Variants in ARMC1 observed in about 807,000 individuals in gnomAD.
The protein encoded by ARMC1 is armadillo repeat-containing protein 1.
ARMC1 carries 16 observed loss-of-function variants against 31.4 expected under a neutral mutation model. That is an observed-to-expected ratio of 0.51 (90% CI 0.34 to 0.77). ARMC1 has a LOEUF of 0.77. Ranked by LOEUF, ARMC1 falls within the 30% of genes least tolerant of loss-of-function variation. The probability of loss-of-function intolerance (pLI) is 0.01; values close to 1 mark genes in which losing one functional copy is unlikely to be tolerated. For missense variants in ARMC1, 259 were observed against 347.5 expected, an observed-to-expected ratio of 0.75 and a Z score of 2.02; for synonymous variants, 114 against 118.9, an observed-to-expected ratio of 0.96 and a Z score of 0.27.
chr8:65,618,893 A>G (rs553689160), intron 3 of ARMC1, among the ~76,000 whole-genome samples: 2 of 152,024 alleles, frequency 1.3e-5, no homozygotes, highest in African/African-American at 2.4e-5. Flanking sequence ...AATACAAAAA[A>G]TTAGCCGGGC....
At chr8:65,605,596 T>G (rs1807985666) in intron 4 of ARMC1, 58 bp from the exon 5 acceptor site, 10 of 1,248,878 alleles carry the variant, frequency 8.0e-6, no homozygotes, top group Non-Finnish European at 1.2e-5. Flanking sequence ...AATAAATCAG[T>G]GAAAACCAAG....
chr8:65,604,258 G>A lies in ARMC1; in HGVS notation c.*136C>T. Reference sequence around the variant, plus strand: ...TGGGGTAAAATGTCCAATAAAACGTGAAATGCAGCATATGCGATCGTGTAA... The same window carrying A: ...TGGGGTAAAATGTCCAATAAAACGTAAAATGCAGCATATGCGATCGTGTAA... On this transcript the variant is annotated 3_prime_UTR_variant, in exon 7 of 7. Transcript: ENST00000276569. 2 of 739,306 alleles carry A rather than the reference G, an allele frequency of 2.7e-6. No individual in the cohort carries two copies. Among genetic ancestry groups the A allele is most frequent in the Non-Finnish European group, 4.3e-6 (2 of 465,402 alleles). The allele number at this position is 739,306 out of a possible 1,614,324, so 45.8% of individuals were successfully genotyped here.
intron 2 of ARMC1, among the ~76,000 whole-genome samples, chr8:65,624,498 C>CAAAAAAAAAAAAGA (rs1808471170): frequency 1.0e-5 from 1 of 95,416 alleles, no homozygotes; most frequent in Non-Finnish European, 2.1e-5. Context: ...GACTCCATCT[C>CAAAAAAAAAAAAGA]AAAAAAAAAA....
chr8:65,628,055 A>G (rs777458503), intron 1 of ARMC1, among the ~76,000 whole-genome samples: 5 of 152,234 alleles, frequency 3.3e-5, no homozygotes, highest in Non-Finnish European at 7.3e-5. Context: ...ACTGCCTAAC[A>G]GAAAAGCAAA....
chr8:65,613,639 A>G (rs1023618020), intron 3 of ARMC1, among the ~76,000 whole-genome samples: 3 of 152,238 alleles, frequency 2.0e-5, no homozygotes, highest in Non-Finnish European at 2.9e-5. Flanking sequence ...CCCGTGGCTC[A>G]TTGAGATTCA....
In ARMC1 at chr8:65,622,274, A is replaced by G; in HGVS notation, c.264T>C (p.Asn88=). 1 of 1,612,544 alleles carries G rather than the reference A, an allele frequency of 6.2e-7. No individual in the cohort carries two copies. Among genetic ancestry groups the G allele is most frequent in the Non-Finnish European group, 8.5e-7 (1 of 1,178,618 alleles). Residue 88 remains asparagine (N), a synonymous_variant, in exon 3 of 7, where the codon AAT becomes AAC. Transcript: ENST00000276569. ...TCTATTGTACTTACTTCTGTATAACATTTTGTAAGCTCAACATCATACCCA... is the reference window on the plus strand; with the variant it reads ...TCTATTGTACTTACTTCTGTATAACGTTTTGTAAGCTCAACATCATACCCA... The part of the protein sequence containing the change: ...GELGMMLSLQ[N]VIQKTTTPGE...
At chr8:65,632,195 T>G (rs1808660219) in intron 1 of ARMC1, among the ~76,000 whole-genome samples, 1 of 152,032 alleles carries the variant, frequency 6.6e-6, no homozygotes, top group Non-Finnish European at 1.5e-5. Flanking sequence ...TCCAAGCACT[T>G]TGGGAGGCCC....
chr8:65,604,535 CTCTGTGT>C lies in ARMC1; in HGVS notation c.701_707del (p.Asn234SerfsTer69). On this transcript the variant is annotated frameshift_variant, in exon 7 of 7. Coordinates refer to ENST00000276569, the MANE Select transcript of ARMC1 (RefSeq NM_018120.6). LOFTEE classifies it high-confidence loss of function. ...CATCCTCAGGCAGGTAGTCAGGTAGCTCTGTGTTCTGTTCAACTTCCACAGGAGTATC... is the reference window on the plus strand; with the variant it reads ...CATCCTCAGGCAGGTAGTCAGGTAGCTCTGTTCAACTTCCACAGGAGTATC... 6.2e-7 allele frequency: 1 copy of C among 1,614,088 alleles called. No homozygotes were observed. Among genetic ancestry groups the C allele is most frequent in the Non-Finnish European group, 8.5e-7 (1 of 1,180,034 alleles).
chr8:65,619,297 G>A (rs1387798858), intron 3 of ARMC1, among the ~76,000 whole-genome samples: 1 of 152,138 alleles, frequency 6.6e-6, no homozygotes, highest in African/African-American at 2.4e-5. Flanking sequence ...CACTTATAGA[G>A]AGGCCGAGTG....
intron 3 of ARMC1, among the ~76,000 whole-genome samples, chr8:65,619,664 T>G (rs968857846): frequency 6.6e-6 from 1 of 151,658 alleles, no homozygotes; most frequent in African/African-American, 2.4e-5. Flanking sequence ...CTAGGCAACA[T>G]GTCAAGACCC....
At chr8:65,631,370 G>A (rs1808639876) in intron 1 of ARMC1, among the ~76,000 whole-genome samples, 1 of 152,168 alleles carries the variant, frequency 6.6e-6, no homozygotes, top group East Asian at 1.9e-4. Context: ...AAGTAGCTGG[G>A]ACTACAGGTG....
rs1265684563 is a variant in ARMC1 at position 65,602,824 on chromosome 8, T to G, written c.*1570A>C. The G allele has an allele frequency of 1.5e-4, 20 of 133,974 alleles. 1 individual carries two copies. Among genetic ancestry groups the G allele is most frequent in the African/African-American group, 4.5e-4 (17 of 37,418 alleles). The allele number at this position is 133,974 out of a possible 1,614,324, so 8.3% of individuals were successfully genotyped here. A position where few individuals can be genotyped will look rare whatever the true frequency, so the allele number is the denominator to read the frequency against. ...GTGCCCTGAAAGTTATTGTTGCTTTTTTTGTTTTTTTTTTTTCAGTTTGTG... is the reference window on the plus strand; with the variant it reads ...GTGCCCTGAAAGTTATTGTTGCTTTGTTTGTTTTTTTTTTTTCAGTTTGTG... On this transcript the variant is annotated 3_prime_UTR_variant, in exon 7 of 7. Transcript: ENST00000276569.
Position 65,629,798 on chromosome 8 carries a change from CAAA to C in ARMC1, c.-35-2368_-35-2366del, listed in dbSNP as rs56044753. On this transcript the variant is annotated intron_variant, in intron 1 of 6. Coordinates refer to ENST00000276569, the MANE Select transcript of ARMC1 (RefSeq NM_018120.6). ...TGGGCAACAGAGCAAGACTCCGTCT[CAAA>C]AAAAAAAAAAAAAAAAATCAAAACA... Among the ~76,000 whole-genome samples the C allele has an allele frequency of 2.5e-3, 258 of 101,316 alleles. 1 individual carries two copies. Among genetic ancestry groups the C allele is most frequent in the Middle Eastern group, 6.1e-3 (1 of 164 alleles). The allele number at this position is 101,316 out of a possible 152,430, so 66.5% of individuals were successfully genotyped here.
chr8:65,618,949 A>T, intron 3 of ARMC1, among the ~76,000 whole-genome samples: 1 of 152,060 alleles, frequency 6.6e-6, no homozygotes, highest in Non-Finnish European at 1.5e-5. Context: ...AGACTGAGGC[A>T]GGAGAATCGC....
At chr8:65,629,395 G>C (rs1306529620) in intron 1 of ARMC1, among the ~76,000 whole-genome samples, 1 of 152,144 alleles carries the variant, frequency 6.6e-6, no homozygotes, top group Non-Finnish European at 1.5e-5. Context: ...GTGGTAAAAG[G>C]CTGGCAGATA....
At chr8:65,628,391 A>ATTTTTTTTTTTTTTTTTTT (rs763494218) in intron 1 of ARMC1, among the ~76,000 whole-genome samples, 1 of 78,810 alleles carries the variant, frequency 1.3e-5, no homozygotes, top group African/African-American at 4.9e-5. Context: ...CGCCCGGCTA[A>ATTTTTTTTTTTTTTTTTTT]TTTTTTTTTT....
At chr8:65,618,521 C>CAA (rs34079304) in intron 3 of ARMC1, among the ~76,000 whole-genome samples, 44,937 of 98,148 alleles carry the variant, frequency 0.46, 10,337 homozygotes, top group Non-Finnish European at 0.56. Context: ...GACTCAGTCT[C>CAA]AAAAAAAAAA....
chr8:65,628,420 T>G (rs1183891361), intron 1 of ARMC1, among the ~76,000 whole-genome samples: 2 of 118,328 alleles, frequency 1.7e-5, no homozygotes, highest in African/African-American at 6.3e-5. Flanking sequence ...TTTTTTTTTG[T>G]ATTTTTAGTA....
At chr8:65,621,402 A>G (rs1384125269) in intron 3 of ARMC1, among the ~76,000 whole-genome samples, 2 of 152,186 alleles carry the variant, frequency 1.3e-5, no homozygotes, top group African/African-American at 4.8e-5. Context: ...CACTATTTTA[A>G]TTATAAACTT....
Sources: gnomAD v4.1 joint callset for allele counts (sites outside exome capture counted in the v4.1 genomes callset) on GRCh38, gnomAD v4.1.1 for gene constraint, MANE v1.5 for transcripts, NCBI Gene and HGNC (gene_info 2026-07-23, HGNC 2026-07-21) for gene names.